Variants in RRAGB observed in about 807,000 individuals in gnomAD.
The protein encoded by RRAGB is Ras related GTP binding B, also known as ras-related GTP-binding protein B.
In RRAGB, 6 loss-of-function variants were observed where a neutral mutation model predicts 29.3. The ratio of observed to expected loss-of-function variants is 0.21; its 90% CI spans 0.11 to 0.40. The LOEUF (loss-of-function observed/expected upper bound fraction) is 0.40. Ranked by LOEUF, RRAGB falls within the 10% of genes least tolerant of loss-of-function variation. RRAGB has a pLI of 1.00. For missense variants in RRAGB, 184 were observed against 272.9 expected (o/e 0.67, Z 2.29); for synonymous variants, 101 against 92.5 (o/e 1.09, Z -0.53).
At chrX:55,745,223 GGGTGGTCAAGATTCTTGTGAA>G (rs1161450799) in intron 5 of RRAGB, among the ~76,000 whole-genome samples, 7 of 112,161 alleles carry the variant, frequency 6.2e-5, no homozygotes, top group Non-Finnish European at 9.4e-5. Context: ...TCTTGTAAAA[GGGTGGTCAAGATTCTTGTGAA>G]GGTGGTCAAG....
At position 55,755,825 on chromosome X, in the gene RRAGB, A is replaced by G; in HGVS notation, c.736-16A>G. Reference sequence around the variant, plus strand: ...CTATTTTGCATGGATTCAAAGGACAATATTCTTTTTCATAGGTAATTTCTC... The same window carrying G: ...CTATTTTGCATGGATTCAAAGGACAGTATTCTTTTTCATAGGTAATTTCTC... On this transcript the variant is annotated splice_polypyrimidine_tract_variant and intron_variant, in intron 7 of 9. Coordinates refer to ENST00000374941, the MANE Select transcript of RRAGB (RefSeq NM_006064.5). 2 of 1,190,836 alleles carry G rather than the reference A, an allele frequency of 1.7e-6. No individual in the cohort carries two copies. Among genetic ancestry groups the G allele is most frequent in the South Asian group, 1.8e-5 (1 of 55,891 alleles).
At chrX:55,755,130 G>A in intron 7 of RRAGB, 1 of 749,680 alleles carries the variant, frequency 1.3e-6, no homozygotes, top group Non-Finnish European at 1.6e-6. Flanking sequence ...AGGGGGATTT[G>A]TTCTTCCACT....
intron 4 of RRAGB, among the ~76,000 whole-genome samples, chrX:55,730,917 T>C (rs751042252): frequency 6.3e-5 from 7 of 110,587 alleles, no homozygotes; most frequent in African/African-American, 2.3e-4. Context: ...TGAGGAAATA[T>C]GGATTGAACT....
intron 2 of RRAGB, among the ~76,000 whole-genome samples, chrX:55,721,521 A>G (rs1457855580): frequency 4.5e-5 from 5 of 111,595 alleles, no homozygotes; most frequent in African/African-American, 1.3e-4. Flanking sequence ...GCTGGGAACA[A>G]TCAGAGGGAC....
At chrX:55,726,419 T>C (rs753884602) in intron 3 of RRAGB, among the ~76,000 whole-genome samples, 1 of 111,242 alleles carries the variant, frequency 9.0e-6, no homozygotes, top group African/African-American at 3.3e-5. Context: ...AGAATAAAAA[T>C]CTGCATTTTG....
rs181339361 is a variant in RRAGB at position 55,751,054 on chromosome X, A to T, written c.517-47A>T. The T allele has an allele frequency of 3.3e-5, 24 of 730,933 alleles. No homozygotes were observed. The African/African-American group carries it at 4.7e-4, about 14-fold the overall frequency. The allele number at this position is 730,933 out of a possible 1,213,427, so 60.2% of individuals were successfully genotyped here. A position where few individuals can be genotyped will look rare whatever the true frequency, so the allele number is the denominator to read the frequency against. Reference sequence around the variant, plus strand: ...AAATAACTACATCTTAGCTTGAAAGATGGGAACTATTATATGCTGATCAGT... The same window carrying T: ...AAATAACTACATCTTAGCTTGAAAGTTGGGAACTATTATATGCTGATCAGT... On this transcript the variant is annotated intron_variant, in intron 5 of 9. Coordinates refer to ENST00000374941, the MANE Select transcript of RRAGB (RefSeq NM_006064.5).
chrX:55,726,343 C>A (rs752896542), intron 3 of RRAGB, among the ~76,000 whole-genome samples: 5 of 111,232 alleles, frequency 4.5e-5, no homozygotes, highest in African/African-American at 1.6e-4. Flanking sequence ...TCCTTCTGGC[C>A]CTTTCTTTTC....
intron 5 of RRAGB, among the ~76,000 whole-genome samples, chrX:55,748,727 G>T (rs1381414629): frequency 9.0e-6 from 1 of 111,642 alleles, no homozygotes; most frequent in African/African-American, 3.3e-5. Context: ...CACCCCATCC[G>T]GGAGGGAGGT....
intron 5 of RRAGB, among the ~76,000 whole-genome samples, chrX:55,749,399 C>T (rs1284472011): frequency 4.3e-4 from 41 of 95,937 alleles, no homozygotes; most frequent in African/African-American, 1.4e-3. Context: ...CCGCCCCGTC[C>T]GGGAGGGAGG....
rs373195402 is a variant in RRAGB, at chrX:55,755,872, G to A, written c.767G>A (p.Arg256His). Residue 256 changes from arginine (R) to histidine (H), a missense_variant, in exon 8 of 10, where the codon CGT becomes CAT. Coordinates refer to ENST00000374941, the MANE Select transcript of RRAGB (RefSeq NM_006064.5). ...VISHYQCKEQ[R>H]DAHRFEKISN... ...TCTCACTATCAGTGTAAAGAGCAGC[G>A]TGATGCCCATAGATTTGAGAAAATA... The A allele has an allele frequency of 6.6e-6, 8 of 1,207,454 alleles. No individual in the cohort carries two copies. Among genetic ancestry groups the A allele is most frequent in the South Asian group, 1.8e-5 (1 of 56,705 alleles).
intron 5 of RRAGB, among the ~76,000 whole-genome samples, chrX:55,737,595 T>G (rs1035295730): frequency 5.3e-5 from 6 of 112,341 alleles, no homozygotes. Flanking sequence ...TTCCCACAAG[T>G]GGAAACTTCT....
intron 5 of RRAGB, among the ~76,000 whole-genome samples, chrX:55,735,413 G>A (rs1188400916): frequency 2.7e-5 from 3 of 111,929 alleles, no homozygotes; most frequent in Non-Finnish European, 5.6e-5. Flanking sequence ...TTTAAAGTCT[G>A]TTTTATCTAA....
intron 4 of RRAGB, among the ~76,000 whole-genome samples, chrX:55,730,102 T>G (rs1405762004): frequency 8.9e-6 from 1 of 112,373 alleles, no homozygotes; most frequent in Non-Finnish European, 1.9e-5. Flanking sequence ...AGTAAGATAA[T>G]TTATACAAAG....
At chrX:55,731,739 TC>T (rs1222354373) in intron 5 of RRAGB, 153 bp downstream of exon 5, 2 of 408,658 alleles carry the variant, frequency 4.9e-6, no homozygotes, top group Non-Finnish European at 8.4e-6. Flanking sequence ...AACTAAACAC[TC>T]TTTTAAACAC....
At chrX:55,727,529 C>G (rs2033522275) in intron 3 of RRAGB, 3 of 375,805 alleles carry the variant, frequency 8.0e-6, no homozygotes, top group Non-Finnish European at 1.4e-5. Context: ...CAGTGCTATG[C>G]CCCGCCCCCC....
At chrX:55,748,281 G>A (rs933874422) in intron 5 of RRAGB, among the ~76,000 whole-genome samples, 3 of 112,243 alleles carry the variant, frequency 2.7e-5, no homozygotes, top group African/African-American at 6.5e-5. Context: ...GCCTCTGCCT[G>A]CCCGCCACCC....
At chrX:55,733,801 G>A (rs2033767986) in intron 5 of RRAGB, among the ~76,000 whole-genome samples, 1 of 111,274 alleles carries the variant, frequency 9.0e-6, no homozygotes, top group Non-Finnish European at 1.9e-5. Flanking sequence ...GTATTAGGAT[G>A]ACACTGGCTT....
At chrX:55,748,328 T>C (rs764766101) in intron 5 of RRAGB, among the ~76,000 whole-genome samples, 3 of 102,522 alleles carry the variant, frequency 2.9e-5, no homozygotes, top group Admixed American at 1.0e-4. Flanking sequence ...CCTGGCCACC[T>C]ATCCTCTGGG....
chrX:55,758,407 T>G lies in RRAGB; in HGVS notation c.*64T>G. 1 of 726,609 alleles carries G rather than the reference T, an allele frequency of 1.4e-6. No individual in the cohort carries two copies. The highest frequency in any genetic ancestry group is 2.0e-6 in the Non-Finnish European group (1 of 491,488). The allele number at this position is 726,609 out of a possible 1,213,427, so 59.9% of individuals were successfully genotyped here. A position where few individuals can be genotyped will look rare whatever the true frequency, so the allele number is the denominator to read the frequency against. On this transcript the variant is annotated 3_prime_UTR_variant, in exon 10 of 10. Coordinates refer to ENST00000374941, the MANE Select transcript of RRAGB (RefSeq NM_006064.5). The stretch of plus-strand genomic sequence containing the variant: ...TCCTAATTAATGTTGTATTCATATA[T>G]GTAGGCTCTGAAATGTTGTGATGCT...
Sources: allele counts gnomAD v4.1 joint callset (sites outside exome capture counted in the v4.1 genomes callset), GRCh38; gene constraint gnomAD v4.1.1; transcripts MANE v1.5; gene names NCBI Gene and HGNC (gene_info 2026-07-23, HGNC 2026-07-21).